The following CFAP45 variants were observed in gnomAD, a reference collection of about 807,000 sequenced individuals.
The protein encoded by CFAP45 is cilia and flagella associated protein 45.
CFAP45 carries 43 observed loss-of-function variants against 75.6 expected under a neutral mutation model. That is an observed-to-expected ratio of 0.57 (90% CI 0.45 to 0.73). CFAP45 has a LOEUF of 0.73. Ranked by LOEUF, CFAP45 falls within the 30% of genes least tolerant of loss-of-function variation. The pLI, the probability that CFAP45 is intolerant of heterozygous loss-of-function variation, is 0.00. For missense variants in CFAP45, 689 were observed against 701.5 expected (o/e 0.98, Z 0.20); for synonymous variants, 223 against 244.6 (o/e 0.91, Z 0.82).
chr1:159,883,623 AAT>A (rs59275156), intron 7 of CFAP45, among the ~76,000 whole-genome samples: 9,651 of 71,734 alleles, frequency 0.13, 311 homozygotes, highest in South Asian at 0.18. Context: ...TTAACAATAA[AAT>A]ATATATATAT....
intron 8 of CFAP45, among the ~76,000 whole-genome samples, chr1:159,879,932 C>A (rs1474359813): frequency 6.6e-6 from 1 of 152,182 alleles, no homozygotes. Flanking sequence ...TTTATCTATA[C>A]CACTCTTAAA....
intron 1 of CFAP45, among the ~76,000 whole-genome samples, chr1:159,896,965 C>T (rs984325985): frequency 1.3e-5 from 2 of 152,192 alleles, no homozygotes; most frequent in African/African-American, 4.8e-5. Context: ...AGAAAACAGA[C>T]TGTAAGAAAC....
chr1:159,882,105 C>T (rs1384271645), intron 7 of CFAP45, among the ~76,000 whole-genome samples: 3 of 152,198 alleles, frequency 2.0e-5, no homozygotes, highest in Non-Finnish European at 2.9e-5. Context: ...TGAACCAGAG[C>T]GGTATGGCAA....
At position 159,878,578 on chromosome 1, in the gene CFAP45, C is replaced by T. The variant is rs891996661; in HGVS notation, c.1045-1116G>A. 2.6e-5 allele frequency among the ~76,000 whole-genome samples: 4 copies of T among 151,460 alleles called. No individual in the cohort carries two copies. The South Asian group carries it at 6.3e-4, about 24-fold the overall frequency. ...ACCAATCCAGGCCAACATGGTGAAA[C>T]AGTGTCTATACTAAAAATACAAAAA... On this transcript the variant is annotated intron_variant, in intron 8 of 11. Coordinates refer to ENST00000368099, the MANE Select transcript of CFAP45 (RefSeq NM_012337.3).
chr1:159,884,708 G>A (rs1649634748), intron 6 of CFAP45, 143 bp from the exon 7 acceptor site: 4 of 833,960 alleles, frequency 4.8e-6, no homozygotes, highest in Admixed American at 5.1e-5. Context: ...TATGCTTCAT[G>A]AGCCCAGACC....
rs1410272265 is a variant in CFAP45, at chr1:159,888,472, C to T, written c.297G>A (p.Gly99=). ...CCTCAGGGCTGATGATTAGGGACTC[C>T]CCGGAGGGATCCTCTGTGGGAACAC... ...ELIVPTEDPS[G]ESLIISPEEF... Residue 99 remains glycine, a synonymous_variant, in exon 4 of 12, where the codon GGG becomes GGA. Transcript: ENST00000368099. 1.3e-6 allele frequency: 2 copies of T among 1,595,502 alleles called. No homozygotes were observed. Among genetic ancestry groups the T allele is most frequent in the Non-Finnish European group, 1.7e-6 (2 of 1,164,628 alleles).
intron 1 of CFAP45, among the ~76,000 whole-genome samples, chr1:159,895,007 G>C (rs1571190459): frequency 1.3e-5 from 2 of 152,324 alleles, no homozygotes; most frequent in African/African-American, 4.8e-5. Context: ...GGTTCCAGCT[G>C]CAGAAACTTC....
chr1:159,893,440 G>T, intron 1 of CFAP45, 135 bp from the exon 2 acceptor site: 2 of 815,680 alleles, frequency 2.5e-6, no homozygotes, highest in African/African-American at 1.7e-5. Flanking sequence ...AAGCGGCTGT[G>T]TAAACTCTGA....
chr1:159,895,297 G>A (rs1467018392), intron 1 of CFAP45, among the ~76,000 whole-genome samples: 1 of 152,188 alleles, frequency 6.6e-6, no homozygotes, highest in Non-Finnish European at 1.5e-5. Context: ...GGGCTACCTT[G>A]AAGGAATAGG....
At chr1:159,883,540 T>C (rs1241025707) in intron 7 of CFAP45, among the ~76,000 whole-genome samples, 1 of 151,952 alleles carries the variant, frequency 6.6e-6, no homozygotes, top group East Asian at 1.9e-4. Context: ...AGAGTGTCCA[T>C]GTTCTTCAGA....
At chr1:159,899,899 C>A (rs1650035085) in intron 1 of CFAP45, 197 bp downstream of exon 1, 3 of 585,772 alleles carry the variant, frequency 5.1e-6, no homozygotes, top group South Asian at 4.6e-5. Flanking sequence ...CATTTCCAAT[C>A]GTTATCGATG....
chr1:159,881,944 C>T (rs1215399920), intron 7 of CFAP45, among the ~76,000 whole-genome samples: 2 of 152,242 alleles, frequency 1.3e-5, no homozygotes, highest in Non-Finnish European at 2.9e-5. Flanking sequence ...AAGACTAAAT[C>T]CCTCCCTGGC....
Position 159,887,835 on chromosome 1 carries a change from GCC to G in CFAP45, c.588+4_588+5del, listed in dbSNP as rs1256328825. The G allele has an allele frequency of 1.2e-6, 2 of 1,607,914 alleles. No homozygotes were observed. Among genetic ancestry groups the G allele is most frequent in the East Asian group, 4.5e-5 (2 of 44,740 alleles). ...CTCAGAGGGAAGGGAGAGACGAAGA[GCC>G]CACCTTGCTCATGTCCTTGAGCTCC... is the stretch of plus-strand genomic sequence containing the variant. On this transcript the variant is annotated splice_donor_5th_base_variant and intron_variant, in intron 5 of 11. Coordinates refer to ENST00000368099, the MANE Select transcript of CFAP45 (RefSeq NM_012337.3).
intron 10 of CFAP45, among the ~76,000 whole-genome samples, chr1:159,874,250 C>T (rs1364105736): frequency 1.3e-5 from 2 of 152,158 alleles, no homozygotes; most frequent in Non-Finnish European, 2.9e-5. Flanking sequence ...CTCACCTGCT[C>T]TCCTCCCCTA....
At chr1:159,896,709 G>A (rs1013805981) in intron 1 of CFAP45, among the ~76,000 whole-genome samples, 4 of 152,138 alleles carry the variant, frequency 2.6e-5, no homozygotes, top group African/African-American at 9.7e-5. Context: ...GAAGGCAGGG[G>A]GTCTGGGGAA....
intron 1 of CFAP45, chr1:159,898,021 G>A (rs1250973312): frequency 2.7e-6 from 2 of 751,196 alleles, no homozygotes; most frequent in Non-Finnish European, 3.2e-6. Flanking sequence ...CAACTAAACA[G>A]GTTGACATGT....
chr1:159,886,118 G>T (rs1285170425), intron 6 of CFAP45, among the ~76,000 whole-genome samples: 2 of 152,126 alleles, frequency 1.3e-5, no homozygotes, highest in Non-Finnish European at 2.9e-5. Context: ...GAGGCCGGGG[G>T]ATCACTTGAG....
intron 7 of CFAP45, among the ~76,000 whole-genome samples, chr1:159,882,367 T>C (rs1303623383): frequency 6.6e-6 from 1 of 152,218 alleles, no homozygotes; most frequent in Non-Finnish European, 1.5e-5. Context: ...TTCTGATGTA[T>C]GACATACATA....
chr1:159,889,030 C>T (rs1649763070), intron 3 of CFAP45, among the ~76,000 whole-genome samples: 1 of 151,946 alleles, frequency 6.6e-6, no homozygotes, highest in Non-Finnish European at 1.5e-5. Flanking sequence ...TCAAGGATGA[C>T]ATAAAAACGG....
Sources: gnomAD v4.1 joint callset for allele counts (sites outside exome capture counted in the v4.1 genomes callset) on GRCh38, gnomAD v4.1.1 for gene constraint, MANE v1.5 for transcripts, NCBI Gene and HGNC (gene_info 2026-07-23, HGNC 2026-07-21) for gene names.